The following TP63 variants were observed in gnomAD, a reference collection of about 807,000 sequenced individuals.
TP63 encodes the protein tumor protein p63.
Under a neutral mutation model 82.8 loss-of-function variants are expected in TP63, and 17 were observed. The ratio of observed to expected loss-of-function variants is 0.21; its 90% CI spans 0.14 to 0.31. The LOEUF is 0.31. TP63 is among the 10% of genes least tolerant of loss of function. The pLI is 1.00. For missense variants in TP63, 648 were observed against 895.3 expected, an observed-to-expected ratio of 0.72 and a Z score of 3.52; for synonymous variants, 330 against 321.7, an observed-to-expected ratio of 1.03 and a Z score of -0.28.
At chr3:189,743,999 T>C (rs1721189571) in intron 3 of TP63, among the ~76,000 whole-genome samples, 1 of 152,008 alleles carries the variant, frequency 6.6e-6, no homozygotes, top group African/African-American at 2.4e-5. Flanking sequence ...CCCACAAACC[T>C]CTAAGTCCTA....
chr3:189,841,736 A>G (rs1426114967), intron 4 of TP63, among the ~76,000 whole-genome samples: 1 of 152,206 alleles, frequency 6.6e-6, no homozygotes, highest in Non-Finnish European at 1.5e-5. Context: ...GAGACCAGAG[A>G]TTTAAGAATT....
chr3:189,603,121 T>C, the TP63 span, among the ~76,000 whole-genome samples: 1 of 152,154 alleles, frequency 6.6e-6, no homozygotes, highest in Non-Finnish European at 1.5e-5. Flanking sequence ...TATAAGAAGG[T>C]TGAAAACCAG....
intron 1 of TP63, among the ~76,000 whole-genome samples, chr3:189,674,731 G>T (rs944780281): frequency 1.1e-4 from 16 of 152,130 alleles, no homozygotes; most frequent in Admixed American, 3.3e-4. Context: ...GCAGAGTACA[G>T]ATATACACAT....
intron 3 of TP63, among the ~76,000 whole-genome samples, chr3:189,764,063 C>A (rs1211080810): frequency 6.6e-6 from 1 of 152,138 alleles, no homozygotes; most frequent in Non-Finnish European, 1.5e-5. Flanking sequence ...GGTCCCTGTG[C>A]ATGCATATGA....
intron 1 of TP63, among the ~76,000 whole-genome samples, chr3:189,659,869 G>C (rs760211840): frequency 4.6e-5 from 7 of 151,828 alleles, no homozygotes; most frequent in Non-Finnish European, 8.8e-5. Context: ...AGAAGTTTCT[G>C]TTTACATCTT....
At chr3:189,750,389 A>C (rs1300686689) in intron 3 of TP63, among the ~76,000 whole-genome samples, 1 of 152,184 alleles carries the variant, frequency 6.6e-6, no homozygotes, top group African/African-American at 2.4e-5. Context: ...AAAACGTATA[A>C]GTTCTAATGT....
chr3:189,770,235 A>T (rs1723237814), intron 3 of TP63, among the ~76,000 whole-genome samples: 1 of 152,102 alleles, frequency 6.6e-6, no homozygotes, highest in South Asian at 2.1e-4. Flanking sequence ...CCTTGTTAGA[A>T]TTTTTTATCT....
chr3:189,867,062 A>G (rs1049691591), intron 6 of TP63, among the ~76,000 whole-genome samples: 2 of 152,322 alleles, frequency 1.3e-5, no homozygotes, highest in African/African-American at 4.8e-5. Context: ...TTGAACTGGC[A>G]ATTGGGTGTA....
intron 3 of TP63, among the ~76,000 whole-genome samples, chr3:189,768,196 T>C (rs2108551521): frequency 6.6e-6 from 1 of 152,232 alleles, no homozygotes; most frequent in African/African-American, 2.4e-5. Context: ...ATGACTATGG[T>C]GAAAACTAAT....
At chr3:189,615,095 C>T in the TP63 span, among the ~76,000 whole-genome samples, 1 of 152,238 alleles carries the variant, frequency 6.6e-6, no homozygotes, top group Non-Finnish European at 1.5e-5. Flanking sequence ...GGTTATACCA[C>T]ATCCTGGGTA....
At chr3:189,747,238 G>A (rs1721450281) in intron 3 of TP63, among the ~76,000 whole-genome samples, 1 of 152,046 alleles carries the variant, frequency 6.6e-6, no homozygotes, top group Admixed American at 6.6e-5. Flanking sequence ...CTGCACATTA[G>A]ACCAAATTGA....
chr3:189,779,419 TA>T (rs1459579457), intron 3 of TP63, among the ~76,000 whole-genome samples: 1 of 152,146 alleles, frequency 6.6e-6, no homozygotes, highest in African/African-American at 2.4e-5. Context: ...AAGGTGGAGT[TA>T]AGTTAGTTCA....
chr3:189,718,968 C>T (rs559461435), intron 1 of TP63, among the ~76,000 whole-genome samples: 217 of 152,006 alleles, frequency 1.4e-3, no homozygotes, highest in African/African-American at 5.0e-3. Flanking sequence ...AAGAATACTT[C>T]GGAATATGAA....
At chr3:189,701,522 C>CATAT (rs35031313) in intron 1 of TP63, among the ~76,000 whole-genome samples, 3,186 of 136,692 alleles carry the variant, frequency 0.023, 88 homozygotes, top group African/African-American at 0.07. Flanking sequence ...GATATATATA[C>CATAT]ATATATATAT....
intron 10 of TP63, 58 bp downstream of exon 10, chr3:189,873,053 C>T: frequency 6.2e-7 from 1 of 1,611,686 alleles, no homozygotes; most frequent in Non-Finnish European, 8.5e-7. Flanking sequence ...TTATTTGGAT[C>T]AGCAATAGGG....
At chr3:189,712,956 C>T (rs1461564039) in intron 1 of TP63, among the ~76,000 whole-genome samples, 1 of 152,042 alleles carries the variant, frequency 6.6e-6, no homozygotes, top group Non-Finnish European at 1.5e-5. Flanking sequence ...GACATGGGGA[C>T]ATCTGTTTTT....
intron 1 of TP63, among the ~76,000 whole-genome samples, chr3:189,713,048 C>T (rs1164191730): frequency 6.6e-6 from 1 of 152,126 alleles, no homozygotes; most frequent in Non-Finnish European, 1.5e-5. Flanking sequence ...GGAATTCTCC[C>T]AGACCACCAC....
intron 4 of TP63, among the ~76,000 whole-genome samples, chr3:189,827,180 C>T (rs76511768): frequency 6.6e-6 from 1 of 152,164 alleles, no homozygotes; most frequent in African/African-American, 2.4e-5. Context: ...AGCTCACAGT[C>T]AAGAAGGGCA....
intron 4 of TP63, among the ~76,000 whole-genome samples, chr3:189,822,543 G>A (rs971298166): frequency 2.6e-5 from 4 of 152,044 alleles, no homozygotes; most frequent in Non-Finnish European, 4.4e-5. Context: ...CTTTAAAATT[G>A]TTGTTCCAGG....
Sources: allele counts gnomAD v4.1 joint callset (sites outside exome capture counted in the v4.1 genomes callset), GRCh38; gene constraint gnomAD v4.1.1; transcripts MANE v1.5; gene names NCBI Gene and HGNC (gene_info 2026-07-23, HGNC 2026-07-21).